The following SMC1B variants were observed in gnomAD, a reference collection of about 807,000 sequenced individuals.
SMC1B encodes structural maintenance of chromosomes 1B.
Under a neutral mutation model 157.9 loss-of-function variants are expected in SMC1B, and 60 were observed. That is an observed-to-expected ratio of 0.38 (90% CI 0.31 to 0.47). The LOEUF (loss-of-function observed/expected upper bound fraction) is 0.47, where lower values mean the gene tolerates loss of function less well. Among genes scored for constraint, SMC1B ranks in the 20% least tolerant of loss-of-function variants. The pLI is 0.99. For missense variants in SMC1B, 1,165 were observed against 1,426.2 expected, an observed-to-expected ratio of 0.82 and a Z score of 2.95; for synonymous variants, 445 against 483.0, an observed-to-expected ratio of 0.92 and a Z score of 1.03.
chr22:45,362,682 T>A (rs2086733253), intron 16 of SMC1B, among the ~76,000 whole-genome samples: 1 of 152,082 alleles, frequency 6.6e-6, no homozygotes, highest in African/African-American at 2.4e-5. Context: ...AACTAAGGAG[T>A]CATCTGTGAC....
At chr22:45,396,832 C>G (rs1253765018) in intron 6 of SMC1B, among the ~76,000 whole-genome samples, 1 of 151,844 alleles carries the variant, frequency 6.6e-6, no homozygotes, top group Non-Finnish European at 1.5e-5. Context: ...TCATTTTTTC[C>G]TCTCATAAAC....
chr22:45,360,066 T>C, intron 17 of SMC1B, 108 bp from the exon 18 acceptor site: 1 of 791,286 alleles, frequency 1.3e-6, no homozygotes. Flanking sequence ...TATTTATTCC[T>C]GTGAGTGCTG....
intron 11 of SMC1B, among the ~76,000 whole-genome samples, chr22:45,385,654 CT>C (rs2086982769): frequency 6.6e-6 from 1 of 152,046 alleles, no homozygotes; most frequent in African/African-American, 2.4e-5. Context: ...CTTCATGTGA[CT>C]TCTTTAATTT....
chr22:45,354,861 T>C lies in SMC1B; in HGVS notation c.3118+98A>G, dbSNP rs574306440. 1.3e-4 allele frequency: 151 copies of C among 1,141,404 alleles called. 1 individual carries two copies. In the East Asian group the frequency reaches 3.5e-3, roughly 26 times the overall value. The allele number at this position is 1,141,404 out of a possible 1,614,324, so 70.7% of individuals were successfully genotyped here. A position where few individuals can be genotyped will look rare whatever the true frequency, so the allele number is the denominator to read the frequency against. ...ATAAGACCACAGAGGAAAAAATCTATAACAAAAAGGGACAACAGAGGGGAG... is the reference window on the plus strand; with the variant it reads ...ATAAGACCACAGAGGAAAAAATCTACAACAAAAAGGGACAACAGAGGGGAG... On this transcript the variant is annotated intron_variant, in intron 20 of 24. Coordinates refer to ENST00000357450, the MANE Select transcript of SMC1B (RefSeq NM_148674.5).
intron 9 of SMC1B, among the ~76,000 whole-genome samples, chr22:45,391,249 GTTAT>G (rs1050169523): frequency 5.9e-5 from 9 of 151,934 alleles, no homozygotes; most frequent in Admixed American, 3.9e-4. Context: ...ATTTGTCTAT[GTTAT>G]TTATTACTTA....
At chr22:45,393,591 A>T (rs747063329) in intron 9 of SMC1B, 43 bp downstream of exon 9, 6 of 1,442,314 alleles carry the variant, frequency 4.2e-6, no homozygotes, top group Non-Finnish European at 3.8e-6. Context: ...CAAACAGGAA[A>T]GCTTAGTTTT....
chr22:45,396,301 T>G (rs747614628), intron 7 of SMC1B, 45 bp downstream of exon 7: 9 of 1,541,316 alleles, frequency 5.8e-6, no homozygotes, highest in African/African-American at 2.8e-5. Context: ...GAAATAAAAT[T>G]TCATTAAGAA....
chr22:45,382,143 T>C (rs1203099647), intron 12 of SMC1B, among the ~76,000 whole-genome samples: 2 of 152,224 alleles, frequency 1.3e-5, no homozygotes, highest in African/African-American at 4.8e-5. Flanking sequence ...TGAACTTCTT[T>C]TGTGATCTTC....
intron 1 of SMC1B, among the ~76,000 whole-genome samples, chr22:45,411,518 T>G (rs1019110511): frequency 6.6e-6 from 1 of 152,234 alleles, no homozygotes; most frequent in Non-Finnish European, 1.5e-5. Flanking sequence ...TAGATGGTGA[T>G]GATGGTTGCA....
At chr22:45,374,700 A>G (rs566306234) in intron 12 of SMC1B, among the ~76,000 whole-genome samples, 1 of 152,324 alleles carries the variant, frequency 6.6e-6, no homozygotes, top group South Asian at 2.1e-4. Context: ...AAGCTACACA[A>G]CTTAAACTTC....
At chr22:45,358,301 G>C (rs1446120772) in intron 19 of SMC1B, among the ~76,000 whole-genome samples, 1 of 152,184 alleles carries the variant, frequency 6.6e-6, no homozygotes, top group Admixed American at 6.5e-5. Flanking sequence ...TCTGTGGAAG[G>C]AGTTGTGAAA....
chr22:45,387,143 G>A (rs2146820750), intron 10 of SMC1B, 97 bp from the exon 11 acceptor site: 9 of 1,081,518 alleles, frequency 8.3e-6, no homozygotes, highest in East Asian at 7.2e-5. Flanking sequence ...ACGCATGGCA[G>A]CAAAAGATCA....
intron 11 of SMC1B, among the ~76,000 whole-genome samples, chr22:45,385,599 T>C (rs2086982127): frequency 6.6e-6 from 1 of 152,126 alleles, no homozygotes; most frequent in African/African-American, 2.4e-5. Flanking sequence ...GTGAACAAGA[T>C]AGAAACCATA....
At chr22:45,365,485 G>A (rs2086766904) in intron 15 of SMC1B, among the ~76,000 whole-genome samples, 1 of 152,058 alleles carries the variant, frequency 6.6e-6, no homozygotes, top group Admixed American at 6.6e-5. Context: ...TTGGCAGATC[G>A]CTTGATCCCA....
At chr22:45,345,993 CAGG>C (rs977436509) in intron 23 of SMC1B, among the ~76,000 whole-genome samples, 112 of 152,158 alleles carry the variant, frequency 7.4e-4, no homozygotes, top group African/African-American at 2.0e-3. Flanking sequence ...CACCAGAGGT[CAGG>C]AGTTCAAAAC....
At chr22:45,354,342 T>C (rs2146764903) in intron 20 of SMC1B, among the ~76,000 whole-genome samples, 1 of 151,954 alleles carries the variant, frequency 6.6e-6, no homozygotes. Context: ...TGTTAAATAA[T>C]ATTGACAAGT....
At chr22:45,348,045 T>C (rs1465754213) in intron 23 of SMC1B, among the ~76,000 whole-genome samples, 2 of 152,186 alleles carry the variant, frequency 1.3e-5, no homozygotes, top group African/African-American at 2.4e-5. Flanking sequence ...GACCCCACTC[T>C]CATGTCCAAA....
intron 12 of SMC1B, among the ~76,000 whole-genome samples, chr22:45,373,189 A>T (rs1242873970): frequency 6.6e-6 from 1 of 152,134 alleles, no homozygotes; most frequent in African/African-American, 2.4e-5. Context: ...TAAAACATAT[A>T]CAACCAAGCT....
intron 12 of SMC1B, among the ~76,000 whole-genome samples, chr22:45,375,822 T>C (rs1264948516): frequency 6.6e-6 from 1 of 152,192 alleles, no homozygotes; most frequent in Non-Finnish European, 1.5e-5. Context: ...CAGTGTTCAA[T>C]TCTCTAATAC....
Sources: gnomAD v4.1 joint callset for allele counts (sites outside exome capture counted in the v4.1 genomes callset) on GRCh38, gnomAD v4.1.1 for gene constraint, MANE v1.5 for transcripts, NCBI Gene and HGNC (gene_info 2026-07-23, HGNC 2026-07-21) for gene names.